Variants in NEK11 observed in about 807,000 individuals in gnomAD.
NEK11 encodes serine/threonine-protein kinase Nek11.
Under a neutral mutation model 80.7 loss-of-function variants are expected in NEK11, and 72 were observed. The ratio of observed to expected loss-of-function variants is 0.89; its 90% confidence interval spans 0.74 to 1.08. The LOEUF is 1.08. Among genes scored for constraint, NEK11 ranks in the 50% least tolerant of loss-of-function variants. NEK11 has a pLI of 0.00. For missense variants in NEK11, 764 were observed against 763.6 expected, an observed-to-expected ratio of 1.00 and a Z score of -0.01; for synonymous variants, 251 against 260.7, an observed-to-expected ratio of 0.96 and a Z score of 0.36.
At chr3:131,340,201 A>C (rs1199834836) in intron 17 of NEK11, among the ~76,000 whole-genome samples, 5 of 152,238 alleles carry the variant, frequency 3.3e-5, no homozygotes, top group Non-Finnish European at 7.3e-5. Context: ...TATTCGTACA[A>C]AATACACACA....
chr3:131,133,789 G>C (rs760426257), intron 6 of NEK11, 41 bp from the exon 7 acceptor site: 1 of 1,557,940 alleles, frequency 6.4e-7, no homozygotes, highest in Non-Finnish European at 8.7e-7. Flanking sequence ...CTAATTTTTC[G>C]TTGGCTTAAA....
rs564816394 is a variant in NEK11, at chr3:131,118,845, A to G, written c.455+8924A>G. On this transcript the variant is annotated intron_variant, in intron 5 of 17. Coordinates refer to ENST00000383366, the MANE Select transcript of NEK11 (RefSeq NM_024800.5). ...CCCCTTTATCATTTTTTTTGCATCTATTTGATTCTTCTCTTTTTTCTTCTT... is the reference window on the plus strand; with the variant it reads ...CCCCTTTATCATTTTTTTTGCATCTGTTTGATTCTTCTCTTTTTTCTTCTT... Among the ~76,000 whole-genome samples the G allele has an allele frequency of 2.6e-5, 4 of 151,464 alleles. No homozygotes were observed. The South Asian group carries it at 6.3e-4, about 24-fold the overall frequency.
intron 17 of NEK11, among the ~76,000 whole-genome samples, chr3:131,338,335 A>G (rs1008110931): frequency 6.8e-6 from 1 of 146,130 alleles, no homozygotes; most frequent in Non-Finnish European, 1.5e-5. Context: ...AGACTGTCAT[A>G]CACTGCTGGT....
Position 131,349,710 on chromosome 3 carries a change from C to T in NEK11, c.1872C>T (p.Leu624=). Reference sequence around the variant, plus strand: ...GCGACTGTTTTGAAGTGGACCAGCTCCTGTACTTTGAAGAGCAGTTGCTGA... The same window carrying T: ...GCGACTGTTTTGAAGTGGACCAGCTTCTGTACTTTGAAGAGCAGTTGCTGA... ...QASDCFEVDQ[L]LYFEEQLLIT... Residue 624 remains leucine, a synonymous_variant, in exon 18 of 18, where the codon CTC becomes CTT. Transcript: ENST00000383366. 6.2e-7 allele frequency: 1 copy of T among 1,614,168 alleles called. No homozygotes were observed. Among genetic ancestry groups the T allele is most frequent in the Non-Finnish European group, 8.5e-7 (1 of 1,180,022 alleles).
At chr3:131,175,129 G>T in intron 14 of NEK11, 2 of 1,022,868 alleles carry the variant, frequency 2.0e-6, no homozygotes, top group Middle Eastern at 4.6e-4. Flanking sequence ...TTTGAACTTT[G>T]CTAATTAAAT....
intron 4 of NEK11, among the ~76,000 whole-genome samples, chr3:131,108,557 G>A (rs759337950): frequency 3.9e-5 from 6 of 152,018 alleles, no homozygotes; most frequent in Non-Finnish European, 7.4e-5. Context: ...AGAAAATTTA[G>A]CATTTGACAT....
At chr3:131,120,590 T>A (rs1238157288) in intron 5 of NEK11, among the ~76,000 whole-genome samples, 1 of 152,232 alleles carries the variant, frequency 6.6e-6, no homozygotes, top group Non-Finnish European at 1.5e-5. Flanking sequence ...GTTGGTTCTA[T>A]TCTCCCTGTC....
At chr3:131,137,434 A>G (rs1197396223) in intron 7 of NEK11, among the ~76,000 whole-genome samples, 1 of 152,144 alleles carries the variant, frequency 6.6e-6, no homozygotes, top group Non-Finnish European at 1.5e-5. Context: ...GCTGGCAGCC[A>G]GCAGCTTCAT....
chr3:131,236,177 G>C (rs1003432396), intron 15 of NEK11, among the ~76,000 whole-genome samples: 1 of 152,164 alleles, frequency 6.6e-6, no homozygotes, highest in South Asian at 2.1e-4. Flanking sequence ...CTAGGCTATT[G>C]TATGTATAGA....
intron 14 of NEK11, among the ~76,000 whole-genome samples, chr3:131,184,138 G>C (rs951445534): frequency 6.6e-6 from 1 of 152,110 alleles, no homozygotes; most frequent in Non-Finnish European, 1.5e-5. Flanking sequence ...GTAAAAACAT[G>C]TATTTTCCAT....
chr3:131,028,648 G>A (rs1337571763), intron 2 of NEK11, among the ~76,000 whole-genome samples: 4 of 151,670 alleles, frequency 2.6e-5, no homozygotes, highest in African/African-American at 7.3e-5. Flanking sequence ...TGCAAGCTCC[G>A]CCTCCTGGGT....
chr3:131,346,835 A>G (rs2110529650), intron 17 of NEK11, among the ~76,000 whole-genome samples: 1 of 152,320 alleles, frequency 6.6e-6, no homozygotes, highest in Middle Eastern at 3.4e-3. Flanking sequence ...TCATGTAGTC[A>G]TTGGCACTGA....
At chr3:131,036,234 A>C (rs1018189331) in intron 3 of NEK11, among the ~76,000 whole-genome samples, 3 of 152,194 alleles carry the variant, frequency 2.0e-5, no homozygotes, top group Non-Finnish European at 4.4e-5. Flanking sequence ...AAAACCTATA[A>C]AATAAAGTGA....
At chr3:131,030,510 A>G (rs2064676366) in intron 3 of NEK11, among the ~76,000 whole-genome samples, 1 of 152,272 alleles carries the variant, frequency 6.6e-6, no homozygotes, top group South Asian at 2.1e-4. Flanking sequence ...AGAATTGTTC[A>G]TAATGACTAT....
chr3:131,283,654 T>G (rs2096432617), intron 17 of NEK11, among the ~76,000 whole-genome samples: 1 of 152,146 alleles, frequency 6.6e-6, no homozygotes, highest in African/African-American at 2.4e-5. Context: ...GAGAAACAGA[T>G]GCAGTGATGG....
At chr3:131,229,737 T>C (rs923692714) in intron 15 of NEK11, among the ~76,000 whole-genome samples, 1 of 151,514 alleles carries the variant, frequency 6.6e-6, no homozygotes, top group Non-Finnish European at 1.5e-5. Context: ...GAGAGGCAAG[T>C]GAAGGGTACA....
chr3:131,044,172 A>G (rs567976404), intron 3 of NEK11, among the ~76,000 whole-genome samples: 67 of 152,284 alleles, frequency 4.4e-4, no homozygotes, highest in African/African-American at 1.5e-3. Flanking sequence ...CATCAACACT[A>G]TGGAGAAACT....
intron 14 of NEK11, among the ~76,000 whole-genome samples, chr3:131,181,939 G>C (rs114245755): frequency 0.018 from 2,670 of 151,276 alleles, 99 homozygotes; most frequent in African/African-American, 0.062. Context: ...GCTTGCTTTG[G>C]TGTTTAGGCC....
At chr3:131,211,984 C>T (rs1328932057) in intron 14 of NEK11, among the ~76,000 whole-genome samples, 2 of 152,216 alleles carry the variant, frequency 1.3e-5, no homozygotes, top group Admixed American at 1.3e-4. Flanking sequence ...CAAAGTCATT[C>T]TCCTTCCAGC....
Sources: gnomAD v4.1 joint callset for allele counts (sites outside exome capture counted in the v4.1 genomes callset) on GRCh38, gnomAD v4.1.1 for gene constraint, MANE v1.5 for transcripts, NCBI Gene and HGNC (gene_info 2026-07-23, HGNC 2026-07-21) for gene names.